Variants in PTBP2 observed in about 807,000 individuals in gnomAD.
PTBP2 encodes polypyrimidine tract-binding protein 2.
In PTBP2, 13 loss-of-function variants were observed where a neutral mutation model predicts 61.4. The observed-to-expected ratio is 0.21, with a 90% CI of 0.14 to 0.34. The LOEUF (loss-of-function observed/expected upper bound fraction) is 0.34. PTBP2 is among the 10% of genes least tolerant of loss of function. PTBP2 has a pLI of 1.00. For synonymous variants in PTBP2, 215 were observed against 218.5 expected (o/e 0.98, Z 0.14); for missense variants, 405 against 642.6 (o/e 0.63, Z 4.00).
chr1:96,755,310 T>C (rs999445435), intron 3 of PTBP2, among the ~76,000 whole-genome samples: 16 of 152,180 alleles, frequency 1.1e-4, no homozygotes, highest in Non-Finnish European at 5.9e-5. Flanking sequence ...ATTACAAACC[T>C]ATTAATAGTG....
chr1:96,817,264 T>A (rs934013753), downstream of PTBP2: 4 of 152,110 alleles, frequency 2.6e-5, no homozygotes, highest in South Asian at 8.3e-4. Context: ...CTGGCTGCCT[T>A]AATATATTAA....
chr1:96,807,120 A>G (rs1346750777), intron 11 of PTBP2, among the ~76,000 whole-genome samples, 162 bp downstream of exon 11: 1 of 152,204 alleles, frequency 6.6e-6, no homozygotes, highest in Non-Finnish European at 1.5e-5. Context: ...TGTGACGAAC[A>G]TATTTGTATT....
chr1:96,730,710 T>C (rs1651279818), intron 2 of PTBP2, among the ~76,000 whole-genome samples: 1 of 152,218 alleles, frequency 6.6e-6, no homozygotes, highest in Non-Finnish European at 1.5e-5. Context: ...GACCTGTATG[T>C]AAACTCTAGT....
intron 2 of PTBP2, among the ~76,000 whole-genome samples, chr1:96,736,771 G>T (rs1429427509): frequency 1.3e-5 from 2 of 151,672 alleles, no homozygotes; most frequent in Admixed American, 1.3e-4. Context: ...CAACCTCCTG[G>T]GCTCCAGTGA....
At chr1:96,787,602 T>TA (rs1659356173) in intron 8 of PTBP2, among the ~76,000 whole-genome samples, 1 of 152,320 alleles carries the variant, frequency 6.6e-6, no homozygotes, top group South Asian at 2.1e-4. Flanking sequence ...GTAGGTGAGT[T>TA]AAAGGTTTTA....
chr1:96,769,324 C>A (rs924020037), intron 3 of PTBP2, among the ~76,000 whole-genome samples: 1 of 152,044 alleles, frequency 6.6e-6, no homozygotes, highest in East Asian at 1.9e-4. Flanking sequence ...TCTTATGGGA[C>A]CACCATTGTA....
rs575742768 is a variant in PTBP2, at chr1:96,755,393, A to G, written c.115+3893A>G. Reference sequence around the variant, plus strand: ...ATGTGGAAGAATGTTAATATTCACAATACTGCTGATGGGAATGTAAAATCG... The same window carrying G: ...ATGTGGAAGAATGTTAATATTCACAGTACTGCTGATGGGAATGTAAAATCG... On this transcript the variant is annotated intron_variant, in intron 3 of 13. Coordinates refer to ENST00000674951, the MANE Select transcript of PTBP2 (RefSeq NM_021190.4). 7.2e-5 allele frequency among the ~76,000 whole-genome samples: 11 copies of G among 152,316 alleles called. No homozygotes were observed. In the East Asian group the frequency reaches 1.9e-3, roughly 27 times the overall value.
At chr1:96,816,848 G>C (rs908284171), downstream of PTBP2, 1 of 152,138 alleles carries the variant, frequency 6.6e-6, no homozygotes, top group Non-Finnish European at 1.5e-5. Flanking sequence ...ATAAGTGAAG[G>C]AATGCTATGC....
chr1:96,737,905 C>T (rs1202762783), intron 2 of PTBP2, among the ~76,000 whole-genome samples: 1 of 151,946 alleles, frequency 6.6e-6, no homozygotes, highest in East Asian at 1.9e-4. Context: ...TACTAGCTTG[C>T]TTTCATGCCA....
chr1:96,791,834 T>TG (rs71590211), intron 8 of PTBP2, among the ~76,000 whole-genome samples: 1,669 of 128,710 alleles, frequency 0.013, 77 homozygotes, highest in Middle Eastern at 0.036. Context: ...TGCTTTTTTT[T>TG]TTTTTTTTTT....
At chr1:96,798,071 G>C (rs1660573204) in intron 8 of PTBP2, among the ~76,000 whole-genome samples, 1 of 140,152 alleles carries the variant, frequency 7.1e-6, no homozygotes, top group African/African-American at 2.7e-5. Flanking sequence ...GCGAGACTCT[G>C]TCTCTAAAAA....
At chr1:96,816,599 G>C (rs919566237), downstream of PTBP2, 1 of 152,122 alleles carries the variant, frequency 6.6e-6, no homozygotes, top group African/African-American at 2.4e-5. Context: ...GAAGTGTAAT[G>C]AATCATTATA....
exon 14 of PTBP2, chr1:96,823,662 A>G (rs894994185): frequency 5.3e-5 from 8 of 152,172 alleles, no homozygotes; most frequent in African/African-American, 1.4e-4. Flanking sequence ...ACCATACATT[A>G]CTACCTATGT....
At chr1:96,784,191 T>G (rs1370202235) in intron 7 of PTBP2, among the ~76,000 whole-genome samples, 1 of 152,130 alleles carries the variant, frequency 6.6e-6, no homozygotes, top group Non-Finnish European at 1.5e-5. Flanking sequence ...CTAGAAATGG[T>G]GATTATATAG....
In PTBP2 at chr1:96,726,538, C is replaced by T. The variant is rs555080815; in HGVS notation, c.39+2944C>T. 1.0e-3 allele frequency among the ~76,000 whole-genome samples: 159 copies of T among 151,588 alleles called. 3 individuals are homozygous for T. The South Asian group carries it at 0.019, about 18-fold the overall frequency. On this transcript the variant is annotated intron_variant, in intron 2 of 13. Coordinates refer to ENST00000674951, the MANE Select transcript of PTBP2 (RefSeq NM_021190.4). ...CTGCAACCTCTGCCTCCTGGGTTCACGCCATTCTCCTGTCTCAGCCTCCCA... is the reference window on the plus strand; with the variant it reads ...CTGCAACCTCTGCCTCCTGGGTTCATGCCATTCTCCTGTCTCAGCCTCCCA...
At chr1:96,788,973 C>T (rs1659494835) in intron 8 of PTBP2, among the ~76,000 whole-genome samples, 1 of 152,004 alleles carries the variant, frequency 6.6e-6, no homozygotes, top group South Asian at 2.1e-4. Context: ...ATTAGTCATT[C>T]ACATATTCTG....
chr1:96,742,821 A>AC (rs1653215049), intron 2 of PTBP2, among the ~76,000 whole-genome samples: 2 of 152,212 alleles, frequency 1.3e-5, no homozygotes, highest in Non-Finnish European at 2.9e-5. Context: ...ATCTGCAGAT[A>AC]TATCAGAATG....
chr1:96,726,651 A>G (rs1650580475), intron 2 of PTBP2, among the ~76,000 whole-genome samples: 1 of 152,048 alleles, frequency 6.6e-6, no homozygotes, highest in Admixed American at 6.6e-5. Context: ...GTTAGCCAGG[A>G]TAGTCTCTAT....
chr1:96,739,086 G>A (rs1303828120), intron 2 of PTBP2, among the ~76,000 whole-genome samples: 7 of 152,136 alleles, frequency 4.6e-5, no homozygotes, highest in African/African-American at 1.7e-4. Flanking sequence ...CCCAAAAGCT[G>A]GAGGGCAGTG....
Sources: gnomAD v4.1 joint callset for allele counts (sites outside exome capture counted in the v4.1 genomes callset) on GRCh38, gnomAD v4.1.1 for gene constraint, MANE v1.5 for transcripts, NCBI Gene and HGNC (gene_info 2026-07-23, HGNC 2026-07-21) for gene names.